SS18: variants seen among roughly 807,000 people sequenced by gnomAD.
SS18 encodes the protein protein SSXT.
SS18 carries 28 observed loss-of-function variants against 72.5 expected under a neutral mutation model. The observed-to-expected ratio is 0.39, with a 90% CI of 0.29 to 0.53. The LOEUF (loss-of-function observed/expected upper bound fraction) is 0.53. SS18 is among the 20% of genes least tolerant of loss of function. SS18 has a pLI of 0.76. For synonymous variants in SS18, 172 were observed against 164.2 expected (o/e 1.05, Z -0.37); for missense variants, 518 against 535.3 (o/e 0.97, Z 0.32).
chr18:26,065,185 C>T (rs2144066714), intron 3 of SS18, among the ~76,000 whole-genome samples: 2 of 152,074 alleles, frequency 1.3e-5, no homozygotes, highest in Admixed American at 1.3e-4. Flanking sequence ...CCATGCAATC[C>T]CAATAAAAAT....
At chr18:26,031,302 T>C (rs575791973) in intron 10 of SS18, among the ~76,000 whole-genome samples, 1 of 152,306 alleles carries the variant, frequency 6.6e-6, no homozygotes, top group Non-Finnish European at 1.5e-5. Context: ...GAAGTGTCAA[T>C]ACAAGAGGGT....
intron 3 of SS18, among the ~76,000 whole-genome samples, chr18:26,075,857 G>A (rs1195616418): frequency 1.3e-5 from 2 of 151,936 alleles, no homozygotes; most frequent in Non-Finnish European, 2.9e-5. Flanking sequence ...AAACTCAGAA[G>A]CAAGAGCTGA....
chr18:26,016,848 A>AGTATGTT lies in SS18; in HGVS notation c.*1499_*1505dup. 4.3e-6 allele frequency: 1 copy of AGTATGTT among 231,546 alleles called. No homozygotes were observed. Among genetic ancestry groups the AGTATGTT allele is most frequent in the Non-Finnish European group, 8.6e-6 (1 of 116,720 alleles). 14.3% of individuals were successfully genotyped at this position (231,546 alleles called of 1,614,324 possible). A position where few individuals can be genotyped will look rare whatever the true frequency, so the allele number is the denominator to read the frequency against. ...CACTGAAATTCCTCCTTTTGATTAC[A>AGTATGTT]GTATGTTGAGAACAGTATGTTCTGC... On this transcript the variant is annotated 3_prime_UTR_variant, in exon 11 of 11. Transcript: ENST00000415083.
Position 26,038,569 on chromosome 18 carries a change from T to C in SS18, c.866A>G (p.Gln289Arg). 3 of 1,613,342 alleles carry C rather than the reference T, an allele frequency of 1.9e-6. No individual in the cohort carries two copies. The highest frequency in any genetic ancestry group is 2.5e-6 in the Non-Finnish European group (3 of 1,179,384). The change falls in exon 7 of 11, where the codon CAA (glutamine) becomes CGA (arginine). Residue 289 changes from glutamine to arginine, a missense_variant. By Grantham distance (43) the Gln-to-Arg change is conservative (BLOSUM62 1). Coordinates refer to ENST00000415083, the MANE Select transcript of SS18 (RefSeq NM_001007559.3). ...GGAGAGATTACCATCAGGGTAATAT[T>C]GCTGGTTCATGCCTTCTGGAGGACC... ...GQGPPEGMNQ[Q>R]YYPDGHNDYG...
chr18:26,052,597 G>C (rs1300589049), intron 5 of SS18, 27 bp downstream of exon 5: 1 of 1,569,282 alleles, frequency 6.4e-7, no homozygotes. Context: ...GAGCACTCTA[G>C]TCAAGAAGGA....
chr18:26,081,203 T>C (rs1288523264), intron 2 of SS18: 2 of 152,210 alleles, frequency 1.3e-5, no homozygotes, highest in African/African-American at 4.8e-5. Context: ...ATATTCTTTT[T>C]TCTTTTGAGA....
chr18:26,035,219 C>A lies in SS18; in HGVS notation c.974-92G>T. ...AGATGCATAGCCAACAACACAAGAA[C>A]AAAATGAAATGCCATATTGATTTTT... On this transcript the variant is annotated intron_variant, in intron 8 of 10. Coordinates refer to ENST00000415083, the MANE Select transcript of SS18 (RefSeq NM_001007559.3). This position sits in a 1 kb window ranked among gnomAD's most constrained non-coding sequence, Gnocchi z 4.4. 1.5e-6 allele frequency: 2 copies of A among 1,364,512 alleles called. No individual in the cohort carries two copies. Among genetic ancestry groups the A allele is most frequent in the Non-Finnish European group, 2.0e-6 (2 of 1,005,788 alleles). 84.5% of individuals were successfully genotyped at this position (1,364,512 alleles called of 1,614,324 possible).
intron 1 of SS18, among the ~76,000 whole-genome samples, chr18:26,087,990 T>C (rs2054646327): frequency 6.6e-6 from 1 of 152,206 alleles, no homozygotes. Flanking sequence ...TTTTTTCCCT[T>C]CAGATTTCTA....
At chr18:26,066,600 G>GCGCACA (rs148515889) in intron 3 of SS18, among the ~76,000 whole-genome samples, 5,145 of 144,402 alleles carry the variant, frequency 0.036, 262 homozygotes, top group African/African-American at 0.12. Flanking sequence ...GGAAATTTGT[G>GCGCACA]CACACACACA....
intron 10 of SS18, among the ~76,000 whole-genome samples, chr18:26,021,397 T>C (rs1362499847): frequency 6.6e-6 from 1 of 152,218 alleles, no homozygotes; most frequent in Non-Finnish European, 1.5e-5. Flanking sequence ...GGTGGCAGCA[T>C]GGTACAGTGA....
chr18:26,079,630 G>T (rs758164374), intron 2 of SS18, among the ~76,000 whole-genome samples: 1 of 152,058 alleles, frequency 6.6e-6, no homozygotes, highest in Non-Finnish European at 1.5e-5. Context: ...ACCCAGGCTG[G>T]AGCGTGCAGT....
At chr18:26,065,800 C>CAT (rs58222135) in intron 3 of SS18, among the ~76,000 whole-genome samples, 1,024 of 55,598 alleles carry the variant, frequency 0.018, 71 homozygotes, top group South Asian at 0.076. Context: ...CCTACAAATC[C>CAT]ATATATATAT....
At chr18:26,090,361 C>G (rs2054700549) in intron 1 of SS18, 140 bp downstream of exon 1, 1 of 801,608 alleles carries the variant, frequency 1.2e-6, no homozygotes, top group Non-Finnish European at 2.0e-6. Flanking sequence ...AGCCAGCAGT[C>G]CGTGTTCCCA....
intron 10 of SS18, among the ~76,000 whole-genome samples, chr18:26,021,911 C>T (rs1445166509): frequency 6.6e-6 from 1 of 152,020 alleles, no homozygotes; most frequent in Non-Finnish European, 1.5e-5. Context: ...CATCTAATTT[C>T]CAGAAGAGAG....
At chr18:26,063,568 AAAG>A (rs1370405895) in intron 3 of SS18, among the ~76,000 whole-genome samples, 2 of 152,174 alleles carry the variant, frequency 1.3e-5, no homozygotes, top group African/African-American at 4.8e-5. Flanking sequence ...ATTATTCATA[AAAG>A]AAGAAATCAC....
At position 26,034,326 on chromosome 18, in the gene SS18, T is replaced by TA. The variant is rs1035015215; in HGVS notation, c.1096+678dup. 4.6e-5 allele frequency among the ~76,000 whole-genome samples: 7 copies of TA among 152,306 alleles called. No individual in the cohort carries two copies. In the East Asian group the frequency reaches 1.3e-3, roughly 29 times the overall value. ...ACTTTTCTTTCAACAGAGTTGTATC[T>TA]AAAGTGGTTATAGTAGCCTGAGAGT... On this transcript the variant is annotated intron_variant, in intron 9 of 10. Transcript: ENST00000415083.
At chr18:26,042,613 TAATTTTATCTTA>T in intron 5 of SS18, among the ~76,000 whole-genome samples, 1 of 151,154 alleles carries the variant, frequency 6.6e-6, no homozygotes, top group South Asian at 2.1e-4. Flanking sequence ...GGTTAATACT[TAATTTTATCTTA>T]AGTCAGTGGT....
At chr18:26,079,344 C>CATT (rs1158048719) in intron 2 of SS18, among the ~76,000 whole-genome samples, 1 of 152,134 alleles carries the variant, frequency 6.6e-6, no homozygotes, top group Non-Finnish European at 1.5e-5. Flanking sequence ...TAGCAGTGAT[C>CATT]CAATCACTAG....
intron 3 of SS18, among the ~76,000 whole-genome samples, chr18:26,077,127 T>C (rs1158557098): frequency 6.6e-6 from 1 of 151,974 alleles, no homozygotes; most frequent in Non-Finnish European, 1.5e-5. Flanking sequence ...TCAATGACCA[T>C]TAAAACCATT....
Sources: gnomAD v4.1 joint callset for allele counts (sites outside exome capture counted in the v4.1 genomes callset) on GRCh38, gnomAD v4.1.1 for gene constraint, Gnocchi (gnomAD v3.1) non-coding constraint, MANE v1.5 for transcripts, NCBI Gene and HGNC (gene_info 2026-07-23, HGNC 2026-07-21) for gene names.